The following CSMD1 variants were observed in gnomAD, a reference collection of about 807,000 sequenced individuals.
CSMD1 encodes CUB and Sushi multiple domains 1.
CSMD1 carries 213 observed loss-of-function variants against 417.5 expected under a neutral mutation model. That is an observed-to-expected ratio of 0.51 (90% CI 0.46 to 0.57). The LOEUF (loss-of-function observed/expected upper bound fraction) is 0.57. CSMD1 is among the 20% of genes least tolerant of loss of function. The pLI is 0.00. For synonymous variants in CSMD1, 2,862 were observed against 1,736.8 expected (o/e 1.65, Z -16.11); for missense variants, 6,923 against 4,529.7 (o/e 1.53, Z -15.17).
chr8:4,290,174 C>G (rs189024200), intron 3 of CSMD1, among the ~76,000 whole-genome samples: 1 of 152,090 alleles, frequency 6.6e-6, no homozygotes, highest in Non-Finnish European at 1.5e-5. Context: ...AGCAGAGTTG[C>G]GTGGACTTTT....
At chr8:3,503,576 T>G (rs973966000) in intron 10 of CSMD1, among the ~76,000 whole-genome samples, 1 of 152,210 alleles carries the variant, frequency 6.6e-6, no homozygotes. Flanking sequence ...ATCCCCGCCC[T>G]CAGGGCCCTG....
At chr8:3,892,596 T>TC (rs1379037883) in intron 5 of CSMD1, among the ~76,000 whole-genome samples, 2 of 151,910 alleles carry the variant, frequency 1.3e-5, no homozygotes, top group East Asian at 3.9e-4. Context: ...ATCTGTTCTC[T>TC]CCCCACTCCT....
At chr8:4,106,350 T>A (rs902924375) in intron 3 of CSMD1, among the ~76,000 whole-genome samples, 4 of 152,322 alleles carry the variant, frequency 2.6e-5, no homozygotes, top group South Asian at 4.1e-4. Flanking sequence ...CTATATTTTT[T>A]AAGTCAAAAT....
At chr8:4,171,059 T>A (rs1797736806) in intron 3 of CSMD1, among the ~76,000 whole-genome samples, 1 of 151,872 alleles carries the variant, frequency 6.6e-6, no homozygotes, top group African/African-American at 2.4e-5. Context: ...TCCTCATCTG[T>A]CAGTGTTCCC....
At chr8:4,565,756 A>ATATG (rs1185016585) in intron 2 of CSMD1, among the ~76,000 whole-genome samples, 4 of 4,068 alleles carry the variant, frequency 9.8e-4, no homozygotes, top group African/African-American at 1.7e-3. Context: ...ATACATATAT[A>ATATG]TATATATATA....
chr8:4,405,187 C>A (rs1319951213), intron 3 of CSMD1, among the ~76,000 whole-genome samples: 1 of 152,128 alleles, frequency 6.6e-6, no homozygotes, highest in Non-Finnish European at 1.5e-5. Context: ...CCTTTGTCAA[C>A]ACAATGTATT....
At chr8:4,002,056 AG>A (rs1344649128) in intron 4 of CSMD1, among the ~76,000 whole-genome samples, 2 of 152,212 alleles carry the variant, frequency 1.3e-5, no homozygotes, top group Admixed American at 1.3e-4. Flanking sequence ...AAAATATAGT[AG>A]AAGATTATTA....
chr8:3,099,658 G>A (rs1255214881), intron 46 of CSMD1, among the ~76,000 whole-genome samples: 1 of 152,176 alleles, frequency 6.6e-6, no homozygotes, highest in Non-Finnish European at 1.5e-5. Context: ...TTACTGAGTT[G>A]CTAAAATCCA....
chr8:3,391,434 A>C (rs538184651), intron 17 of CSMD1, among the ~76,000 whole-genome samples: 1 of 152,330 alleles, frequency 6.6e-6, no homozygotes, highest in South Asian at 2.1e-4. Context: ...AAATTATGAC[A>C]ATTTTAAAGT....
At chr8:3,718,518 T>C (rs774791487) in intron 6 of CSMD1, among the ~76,000 whole-genome samples, 2 of 152,230 alleles carry the variant, frequency 1.3e-5, no homozygotes, top group East Asian at 1.9e-4. Context: ...ATTTGTACTG[T>C]TGATATTCCT....
At chr8:4,668,455 A>AT (rs1358449998) in intron 1 of CSMD1, among the ~76,000 whole-genome samples, 2 of 144,544 alleles carry the variant, frequency 1.4e-5, no homozygotes, top group Admixed American at 1.4e-4. Context: ...TATTATTATT[A>AT]TTATTATTAT....
intron 3 of CSMD1, among the ~76,000 whole-genome samples, chr8:4,377,442 T>C (rs962464918): frequency 1.1e-4 from 17 of 152,188 alleles, no homozygotes; most frequent in Non-Finnish European, 2.4e-4. Context: ...AGAGGTTAAA[T>C]TGATTTTTTC....
At chr8:4,557,125 G>A (rs988297494) in intron 2 of CSMD1, among the ~76,000 whole-genome samples, 3 of 152,172 alleles carry the variant, frequency 2.0e-5, no homozygotes, top group Middle Eastern at 6.3e-3. Flanking sequence ...TATCCTGGGT[G>A]ATTTGTAAAG....
At chr8:4,982,017 C>G (rs1810917450) in intron 1 of CSMD1, among the ~76,000 whole-genome samples, 1 of 152,154 alleles carries the variant, frequency 6.6e-6, no homozygotes, top group Non-Finnish European at 1.5e-5. Flanking sequence ...AACTTAATGC[C>G]TCATTCCTAC....
intron 3 of CSMD1, among the ~76,000 whole-genome samples, chr8:4,161,025 A>G (rs1280735033): frequency 6.6e-6 from 1 of 152,146 alleles, no homozygotes; most frequent in African/African-American, 2.4e-5. Flanking sequence ...GGTTTGCATT[A>G]AATCACGGCA....
intron 3 of CSMD1, among the ~76,000 whole-genome samples, chr8:4,324,417 G>A (rs1313876204): frequency 1.3e-5 from 2 of 152,208 alleles, no homozygotes; most frequent in African/African-American, 4.8e-5. Context: ...CACCCTGGCA[G>A]GAAAGCTAGA....
At chr8:4,399,165 C>T (rs1035808279) in intron 3 of CSMD1, among the ~76,000 whole-genome samples, 4 of 152,094 alleles carry the variant, frequency 2.6e-5, no homozygotes, top group Non-Finnish European at 5.9e-5. Context: ...GATCAGCATA[C>T]AGATTAATAA....
chr8:3,640,740 C>G (rs1797264383), intron 7 of CSMD1, among the ~76,000 whole-genome samples: 1 of 152,126 alleles, frequency 6.6e-6, no homozygotes, highest in South Asian at 2.1e-4. Context: ...CCCTGAAAAA[C>G]ATTCATTGTA....
intron 11 of CSMD1, among the ~76,000 whole-genome samples, chr8:3,488,922 T>C (rs1327210991): frequency 6.8e-6 from 1 of 146,666 alleles, no homozygotes; most frequent in Non-Finnish European, 1.5e-5. Flanking sequence ...TGTTTTCTGA[T>C]TTTTTTAAAA....
Sources: allele counts gnomAD v4.1 joint callset (sites outside exome capture counted in the v4.1 genomes callset), GRCh38; gene constraint gnomAD v4.1.1; transcripts MANE v1.5; gene names NCBI Gene and HGNC (gene_info 2026-07-23, HGNC 2026-07-21).